Variants in ATXN1 observed in about 807,000 individuals in gnomAD.
ATXN1 encodes the protein ataxin 1.
A neutral mutation model predicts 56.4 loss-of-function variants in ATXN1; 8 were observed. The ratio of observed to expected loss-of-function variants is 0.14; its 90% CI spans 0.08 to 0.26. The LOEUF (loss-of-function observed/expected upper bound fraction) is 0.26, where lower values mean the gene tolerates loss of function less well. ATXN1 is among the 10% of genes least tolerant of loss of function. The pLI is 1.00. For missense variants in ATXN1, 987 were observed against 1,106.5 expected (o/e 0.89, Z 1.53); for synonymous variants, 514 against 494.6 (o/e 1.04, Z -0.52).
At chr6:16,698,756 TCAAA>T (rs971376431) in intron 2 of ATXN1, among the ~76,000 whole-genome samples, 5 of 150,790 alleles carry the variant, frequency 3.3e-5, no homozygotes, top group South Asian at 2.1e-4. Flanking sequence ...GCCTCAGCCA[TCAAA>T]CAAACAGGCT....
In ATXN1 at chr6:16,327,686, G is replaced by C; in HGVS notation, c.625C>G (p.His209Asp). Residue 209 changes from histidine (H) to aspartate (D), a missense_variant, in exon 7 of 8, where the codon CAT (histidine) becomes GAT (aspartate). Physicochemically the swap from His to Asp is moderately conservative, Grantham distance 81 (BLOSUM62 -1). Coordinates refer to ENST00000436367, the MANE Select transcript of ATXN1 (RefSeq NM_001128164.2). Reference protein sequence around the residue: ...QQQQQQQQQQHQHQQQQQQQQ... With the variant: ...QQQQQQQQQQDQHQQQQQQQQ... ...TGCTGCTGCTGCTGCTGATGCTGAT[G>C]CTGCTGCTGCTGCTGCTGCTGCTGC... The C allele has an allele frequency of 8.4e-7, 1 of 1,194,492 alleles. No individual in the cohort carries two copies. The highest frequency in any genetic ancestry group is 1.1e-6 in the Non-Finnish European group (1 of 917,498). The allele number at this position is 1,194,492 out of a possible 1,614,324, so 74.0% of individuals were successfully genotyped here.
At chr6:16,668,794 TTTTATTTTATTTTATTTAC>T (rs1447700017) in intron 2 of ATXN1, among the ~76,000 whole-genome samples, 1 of 150,958 alleles carries the variant, frequency 6.6e-6, no homozygotes, top group African/African-American at 2.5e-5. Context: ...TTATTTTTTA[TTTTATTTTATTTTATTTAC>T]TTTATTTTAT....
chr6:16,523,543 T>C (rs568063202), intron 4 of ATXN1, among the ~76,000 whole-genome samples: 3 of 152,294 alleles, frequency 2.0e-5, no homozygotes, highest in African/African-American at 7.2e-5. Flanking sequence ...TTTGCGGAGA[T>C]GGAGTTTTGC....
intron 6 of ATXN1, among the ~76,000 whole-genome samples, chr6:16,358,566 C>T (rs935866210): frequency 1.3e-5 from 2 of 152,214 alleles, no homozygotes; most frequent in Admixed American, 6.5e-5. Flanking sequence ...AACTGAACAC[C>T]GTAATGATGG....
intron 6 of ATXN1, among the ~76,000 whole-genome samples, chr6:16,366,022 ATCTCT>A (rs750150515): frequency 1.3e-5 from 2 of 151,892 alleles, no homozygotes; most frequent in Non-Finnish European, 2.9e-5. Flanking sequence ...ACTCATTCTG[ATCTCT>A]TCTCAGCATC....
chr6:16,647,202 A>G (rs1004242488), intron 3 of ATXN1, among the ~76,000 whole-genome samples: 2 of 152,028 alleles, frequency 1.3e-5, no homozygotes, highest in East Asian at 3.9e-4. Context: ...ATGGGGTTTC[A>G]CCATATTGGC....
At chr6:16,415,269 G>A (rs770971673) in intron 6 of ATXN1, among the ~76,000 whole-genome samples, 4 of 152,238 alleles carry the variant, frequency 2.6e-5, no homozygotes, top group African/African-American at 2.4e-5. Context: ...TCACTCTGTC[G>A]CCCAGACTGG....
In ATXN1 at chr6:16,306,565, G is replaced by A. The variant is rs767539149; in HGVS notation, c.2212C>T (p.Leu738Phe). The change falls in exon 8 of 8, where the codon CTC becomes TTC. Residue 738 changes from leucine to phenylalanine, a missense_variant. This residue lies in a region of ATXN1 where 196 missense variants were observed against 196.7 expected (regional missense o/e 1.00). Transcript: ENST00000436367. This position sits in a 1 kb window ranked among gnomAD's most constrained non-coding sequence, Gnocchi z 5.2. ...NGINQGSAQM[L>F]SENGELKFPE... ...AACTTCAGTTCGCCATTCTCAGAGA[G>A]CATCTGGGCACTCCCCTGGTTGATT... is the stretch of plus-strand genomic sequence containing the variant. The A allele has an allele frequency of 2.5e-6, 4 of 1,614,228 alleles. No homozygotes were observed. In the East Asian group the frequency reaches 8.9e-5, roughly 36 times the overall value.
chr6:16,693,432 G>A (rs1045666723), intron 2 of ATXN1, among the ~76,000 whole-genome samples: 2 of 152,146 alleles, frequency 1.3e-5, no homozygotes, highest in Non-Finnish European at 2.9e-5. Flanking sequence ...GCTAAAAAGT[G>A]CTATATATAC....
intron 6 of ATXN1, among the ~76,000 whole-genome samples, chr6:16,340,255 C>G (rs1358681263): frequency 6.6e-6 from 1 of 152,200 alleles, no homozygotes; most frequent in African/African-American, 2.4e-5. Context: ...ACGTTCCAAC[C>G]TCAGAGGAAC....
At chr6:16,426,620 TGAGA>T (rs755167771) in intron 6 of ATXN1, among the ~76,000 whole-genome samples, 6 of 151,166 alleles carry the variant, frequency 4.0e-5, no homozygotes, top group Admixed American at 6.6e-5. Context: ...TGTGTGTGTG[TGAGA>T]GAGAGAGAGA....
Position 16,328,495 on chromosome 6 carries a change from C to A in ATXN1, c.-160-25G>T. The A allele has an allele frequency of 1.8e-6, 2 of 1,120,236 alleles. No individual in the cohort carries two copies. The highest frequency in any genetic ancestry group is 3.5e-5 in the South Asian group (1 of 28,484). 69.4% of individuals were successfully genotyped at this position (1,120,236 alleles called of 1,614,324 possible). Reference sequence around the variant, plus strand: ...GCTGGGAAAGGGAAGAGGGCAGTGACAAAGGGAAAAGGAAAGGGAGGAGAA... The same window carrying A: ...GCTGGGAAAGGGAAGAGGGCAGTGAAAAAGGGAAAAGGAAAGGGAGGAGAA... On this transcript the variant is annotated intron_variant, in intron 6 of 7. Transcript: ENST00000436367. This position sits in a 1 kb window ranked among gnomAD's most constrained non-coding sequence, Gnocchi z 6.2.
At chr6:16,583,573 A>G (rs1286237931) in intron 4 of ATXN1, among the ~76,000 whole-genome samples, 1 of 152,168 alleles carries the variant, frequency 6.6e-6, no homozygotes, top group Non-Finnish European at 1.5e-5. Context: ...CAGCTCACAT[A>G]TGGTGCCAGA....
Position 16,327,830 on chromosome 6 carries a change from A to C in ATXN1, c.481T>G (p.Ser161Ala). The change falls in exon 7 of 8, where the codon TCG becomes GCG. Residue 161 changes from serine to alanine, a missense_variant. Around this residue, in one of 3 missense-constraint regions of ATXN1, gnomAD observed 723 missense variants for 791.7 expected, o/e 0.91. Coordinates refer to ENST00000436367, the MANE Select transcript of ATXN1 (RefSeq NM_001128164.2). ...GATGGAGTGGTGGCCCCTGCGGCCG[A>C]GGCCACTGCACTGGTGACGGGGTTG... The part of the protein sequence containing the change: ...TANPVTSAVA[S>A]AAGATTPSQR... 2 of 1,608,636 alleles carry C rather than the reference A, an allele frequency of 1.2e-6. No individual in the cohort carries two copies. The highest frequency in any genetic ancestry group is 1.7e-6 in the Non-Finnish European group (2 of 1,179,892).
chr6:16,475,793 C>T (rs1230986639), intron 6 of ATXN1, among the ~76,000 whole-genome samples: 1 of 151,976 alleles, frequency 6.6e-6, no homozygotes, highest in African/African-American at 2.4e-5. Flanking sequence ...GGGAAGAGAA[C>T]CCAGGTGTCC....
chr6:16,742,232 C>A (rs1192864734), intron 2 of ATXN1, among the ~76,000 whole-genome samples: 1 of 152,082 alleles, frequency 6.6e-6, no homozygotes, highest in Admixed American at 6.5e-5. Context: ...AGATCAGACA[C>A]CAGAAAGGCA....
At chr6:16,515,808 A>T (rs1410019870) in intron 5 of ATXN1, among the ~76,000 whole-genome samples, 1 of 152,190 alleles carries the variant, frequency 6.6e-6, no homozygotes, top group East Asian at 1.9e-4. Context: ...GCATGAGAGA[A>T]GCGGATGCAG....
chr6:16,448,090 T>C (rs146064764), intron 6 of ATXN1, among the ~76,000 whole-genome samples: 1 of 152,278 alleles, frequency 6.6e-6, no homozygotes, highest in Non-Finnish European at 1.5e-5. Flanking sequence ...AAAACCACAG[T>C]CCTGGTCCAT....
At chr6:16,575,102 T>C (rs781029812) in intron 4 of ATXN1, among the ~76,000 whole-genome samples, 2 of 152,208 alleles carry the variant, frequency 1.3e-5, no homozygotes, top group African/African-American at 2.4e-5. Flanking sequence ...ACTGGTGACA[T>C]TAACCTTGAT....
Sources: allele counts gnomAD v4.1 joint callset (sites outside exome capture counted in the v4.1 genomes callset), GRCh38; gene constraint gnomAD v4.1.1; regional missense constraint gnomAD v4.1.1; non-coding constraint Gnocchi (gnomAD v3.1); transcripts MANE v1.5; gene names NCBI Gene and HGNC (gene_info 2026-07-23, HGNC 2026-07-21).